The following VPS41 variants were observed in gnomAD, a reference collection of about 807,000 sequenced individuals.
VPS41 encodes the protein VPS41 subunit of HOPS complex.
A neutral mutation model predicts 130.9 loss-of-function variants in VPS41; 85 were observed. The observed-to-expected ratio is 0.65, with a 90% confidence interval of 0.55 to 0.78. The LOEUF (loss-of-function observed/expected upper bound fraction) is 0.78, where lower values mean the gene tolerates loss of function less well. Among genes scored for constraint, VPS41 ranks in the 30% least tolerant of loss-of-function variants. The pLI, the probability that VPS41 is intolerant of heterozygous loss-of-function variation, is 0.00. For synonymous variants in VPS41, 335 were observed against 332.9 expected (o/e 1.01, Z -0.07); for missense variants, 874 against 1,018.7 (o/e 0.86, Z 1.93).
intron 3 of VPS41, among the ~76,000 whole-genome samples, 177 bp downstream of exon 3, chr7:38,868,969 G>C (rs1786287450): frequency 6.6e-6 from 1 of 152,060 alleles, no homozygotes; most frequent in African/African-American, 2.4e-5. Context: ...TGTGTGAATG[G>C]GCGCGTACAC....
At chr7:38,852,774 C>A (rs534725306) in intron 4 of VPS41, among the ~76,000 whole-genome samples, 4 of 152,280 alleles carry the variant, frequency 2.6e-5, no homozygotes, top group African/African-American at 9.6e-5. Context: ...AAAACAAACT[C>A]AAGCTTAAAA....
At chr7:38,782,368 C>T (rs1047142583) in intron 10 of VPS41, among the ~76,000 whole-genome samples, 2 of 152,222 alleles carry the variant, frequency 1.3e-5, no homozygotes, top group Non-Finnish European at 2.9e-5. Context: ...CCTCTGCTTT[C>T]TCTCACACAG....
At chr7:38,783,520 C>T (rs573423418) in intron 10 of VPS41, among the ~76,000 whole-genome samples, 3 of 151,568 alleles carry the variant, frequency 2.0e-5, no homozygotes, top group East Asian at 1.9e-4. Context: ...GGCAACAGAG[C>T]GAAACTCTGT....
At chr7:38,837,087 G>A (rs1027313518) in intron 4 of VPS41, among the ~76,000 whole-genome samples, 2 of 152,206 alleles carry the variant, frequency 1.3e-5, no homozygotes, top group Non-Finnish European at 2.9e-5. Flanking sequence ...AAGGTATTAT[G>A]TAGTAAGGTA....
At chr7:38,757,943 G>A (rs1357557480) in intron 18 of VPS41, among the ~76,000 whole-genome samples, 1 of 152,136 alleles carries the variant, frequency 6.6e-6, no homozygotes, top group Non-Finnish European at 1.5e-5. Flanking sequence ...CCTCTATTAT[G>A]ACATCTCTTT....
intron 2 of VPS41, among the ~76,000 whole-genome samples, chr7:38,877,099 A>G (rs1234294041): frequency 6.6e-6 from 1 of 152,190 alleles, no homozygotes; most frequent in Admixed American, 6.5e-5. Context: ...AGATCCTCAG[A>G]AGCAGAGTTT....
intron 11 of VPS41, among the ~76,000 whole-genome samples, chr7:38,776,448 C>CG (rs1024612663): frequency 5.3e-5 from 8 of 151,706 alleles, no homozygotes; most frequent in African/African-American, 1.9e-4. Flanking sequence ...CAAGAGAGGT[C>CG]GAAAAAAAAG....
In VPS41 at chr7:38,821,167, A is replaced by G. The variant is rs377227594; in HGVS notation, c.384+36T>C. 1.9e-6 allele frequency: 3 copies of G among 1,538,602 alleles called. No homozygotes were observed. The African/African-American group carries it at 4.1e-5, about 21-fold the overall frequency. ...TAATCCATATTGCCTTACTTGAGAA[A>G]ACCCTTAGAAAAAGTAAAACTTGCT... On this transcript the variant is annotated intron_variant, in intron 6 of 28. Transcript: ENST00000310301.
At chr7:38,861,651 C>A (rs148222039) in intron 4 of VPS41, among the ~76,000 whole-genome samples, 1 of 152,118 alleles carries the variant, frequency 6.6e-6, no homozygotes, top group African/African-American at 2.4e-5. Flanking sequence ...CCTTTCTAAA[C>A]TATATCAATA....
At chr7:38,895,838 A>G (rs1401747812) in intron 2 of VPS41, among the ~76,000 whole-genome samples, 1 of 152,088 alleles carries the variant, frequency 6.6e-6, no homozygotes, top group African/African-American at 2.4e-5. Context: ...GAAATCCACC[A>G]AGTCTCACAT....
chr7:38,859,118 G>GA (rs1189327693), intron 4 of VPS41, among the ~76,000 whole-genome samples: 13 of 140,614 alleles, frequency 9.2e-5, no homozygotes, highest in Admixed American at 2.8e-4. Flanking sequence ...AAGTAAAAAA[G>GA]AAAAAAAAAA....
Position 38,889,457 on chromosome 7 carries a change from T to C in VPS41, c.60+8634A>G, listed in dbSNP as rs146451979. Among the ~76,000 whole-genome samples, 604 of 149,802 alleles carry C rather than the reference T, an allele frequency of 4.0e-3. 8 individuals carry two copies. The South Asian group carries it at 0.057, about 14-fold the overall frequency. On this transcript the variant is annotated intron_variant, in intron 2 of 28. Coordinates refer to ENST00000310301, the MANE Select transcript of VPS41 (RefSeq NM_014396.4). ...AAAATGGGTTTCTCATTTGAAATGATAGAAGCCAGAGGGAAGTGGCACAAT... is the reference window on the plus strand; with the variant it reads ...AAAATGGGTTTCTCATTTGAAATGACAGAAGCCAGAGGGAAGTGGCACAAT...
At chr7:38,844,324 A>G (rs1435222018) in intron 4 of VPS41, among the ~76,000 whole-genome samples, 1 of 152,242 alleles carries the variant, frequency 6.6e-6, no homozygotes, top group African/African-American at 2.4e-5. Flanking sequence ...TTACTTTAAG[A>G]TATACAGACT....
At chr7:38,753,519 G>A (rs1356973230) in intron 21 of VPS41, among the ~76,000 whole-genome samples, 2 of 152,082 alleles carry the variant, frequency 1.3e-5, no homozygotes, top group Non-Finnish European at 2.9e-5. Context: ...AAAAAGGACA[G>A]GGAGGCCCTG....
chr7:38,779,000 A>G (rs1416453871), intron 10 of VPS41, among the ~76,000 whole-genome samples: 2 of 152,230 alleles, frequency 1.3e-5, no homozygotes, highest in Non-Finnish European at 1.5e-5. Context: ...AAGACAGAAA[A>G]TTTCCTGTTC....
intron 4 of VPS41, among the ~76,000 whole-genome samples, chr7:38,841,738 G>A (rs1299541637): frequency 6.6e-6 from 1 of 152,208 alleles, no homozygotes; most frequent in Non-Finnish European, 1.5e-5. Context: ...CAAGTAGCTG[G>A]GATTAGAGGC....
chr7:38,802,003 A>G (rs982411279), intron 7 of VPS41, among the ~76,000 whole-genome samples: 1 of 152,192 alleles, frequency 6.6e-6, no homozygotes, highest in Non-Finnish European at 1.5e-5. Context: ...CACAATCAAC[A>G]CAGCCTTGCT....
At chr7:38,811,657 C>CAT (rs36048936) in intron 7 of VPS41, among the ~76,000 whole-genome samples, 88,977 of 149,800 alleles carry the variant, frequency 0.59, 26,972 homozygotes, top group East Asian at 0.88. Flanking sequence ...ATATCTCATT[C>CAT]ATATATATAT....
intron 4 of VPS41, among the ~76,000 whole-genome samples, chr7:38,855,444 G>A (rs186243789): frequency 1.3e-5 from 2 of 152,242 alleles, no homozygotes; most frequent in Admixed American, 1.3e-4. Context: ...ATTCTTCGCA[G>A]CCAAAGAAAG....
Sources: gnomAD v4.1 joint callset for allele counts (sites outside exome capture counted in the v4.1 genomes callset) on GRCh38, gnomAD v4.1.1 for gene constraint, MANE v1.5 for transcripts, NCBI Gene and HGNC (gene_info 2026-07-23, HGNC 2026-07-21) for gene names.